Variants in PTPRD observed in about 807,000 individuals in gnomAD.
PTPRD encodes receptor-type tyrosine-protein phosphatase delta.
PTPRD carries 34 observed loss-of-function variants against 214.5 expected under a neutral mutation model. The ratio of observed to expected loss-of-function variants is 0.16; its 90% CI spans 0.12 to 0.21. PTPRD has a LOEUF of 0.21. PTPRD is among the 10% of genes least tolerant of loss of function. PTPRD has a pLI of 1.00. For missense variants in PTPRD, 2,545 were observed against 2,398.7 expected, an observed-to-expected ratio of 1.06 and a Z score of -1.27; for synonymous variants, 1,128 against 845.7, an observed-to-expected ratio of 1.33 and a Z score of -5.79.
rs574986638 is a variant in PTPRD, at chr9:10,092,269, C to T, written c.-544-58479G>A. On this transcript the variant is annotated intron_variant, in intron 3 of 45. Transcript: ENST00000381196. ...AAATGCCCATTTAGATATATAATTGCAGATATGCTTCTGTTATTCCTTAAT... is the reference window on the plus strand; with the variant it reads ...AAATGCCCATTTAGATATATAATTGTAGATATGCTTCTGTTATTCCTTAAT... Among the ~76,000 whole-genome samples the T allele has an allele frequency of 6.7e-4, 102 of 151,456 alleles. No individual in the cohort carries two copies. The South Asian group carries it at 0.021, about 31-fold the overall frequency.
chr9:10,554,386 T>C (rs188380412), intron 2 of PTPRD, among the ~76,000 whole-genome samples: 1 of 152,240 alleles, frequency 6.6e-6, no homozygotes, highest in East Asian at 1.9e-4. Flanking sequence ...TCTTCTTAGC[T>C]CCATACTTTT....
At chr9:10,491,095 G>C (rs531281493) in intron 2 of PTPRD, among the ~76,000 whole-genome samples, 1 of 152,144 alleles carries the variant, frequency 6.6e-6, no homozygotes, top group Non-Finnish European at 1.5e-5. Flanking sequence ...CTTGTTCACA[G>C]TTATATACCT....
At chr9:8,947,042 T>G (rs1046955328) in intron 11 of PTPRD, among the ~76,000 whole-genome samples, 1 of 132,386 alleles carries the variant, frequency 7.6e-6, no homozygotes, top group African/African-American at 3.0e-5. Flanking sequence ...TTTTTTTTTT[T>G]GTGTGTGTGT....
rs565060815 is a variant in PTPRD, at chr9:8,486,137, T to C, written c.2680A>G (p.Arg894Gly). Residue 894 changes from arginine to glycine, a missense_variant, in exon 28 of 46, where the codon AGG (arginine) becomes GGG (glycine). Arg to Gly is a moderately radical substitution (Grantham distance 125). Coordinates refer to ENST00000381196, the MANE Select transcript of PTPRD (RefSeq NM_002839.4). The part of the protein sequence containing the change: ...DIHKGASYVF[R>G]LSARNKVGFG... ...CCCACTTTGTTTCTGGCTGAGAGCC[T>C]GAAGACGTATGATGCTCCCTTGTGG... 1.2e-6 allele frequency: 2 copies of C among 1,614,206 alleles called. No homozygotes were observed. The highest frequency in any genetic ancestry group is 1.3e-5 in the African/African-American group (1 of 75,060).
chr9:10,530,824 G>C (rs1373149906), intron 2 of PTPRD, among the ~76,000 whole-genome samples: 2 of 152,066 alleles, frequency 1.3e-5, no homozygotes, highest in East Asian at 1.9e-4. Context: ...ATAAACAGGA[G>C]AATAGTGAAA....
At chr9:9,467,415 T>C (rs2094262523) in intron 8 of PTPRD, among the ~76,000 whole-genome samples, 2 of 150,754 alleles carry the variant, frequency 1.3e-5, no homozygotes. Context: ...TAGTGAAATC[T>C]GTCTCTACTA....
intron 9 of PTPRD, among the ~76,000 whole-genome samples, chr9:9,215,310 C>A (rs147784022): frequency 6.6e-6 from 1 of 152,098 alleles, no homozygotes; most frequent in African/African-American, 2.4e-5. Flanking sequence ...ACTTGTTCAC[C>A]GGGAAAGTTA....
chr9:8,797,127 G>T (rs1235881254), intron 11 of PTPRD: 1 of 152,062 alleles, frequency 6.6e-6, no homozygotes, highest in Non-Finnish European at 1.5e-5. Context: ...ATTTGATCAT[G>T]TTATAAAATA....
chr9:9,147,997 G>C (rs1350668438), intron 10 of PTPRD, among the ~76,000 whole-genome samples: 2 of 152,176 alleles, frequency 1.3e-5, no homozygotes, highest in African/African-American at 4.8e-5. Flanking sequence ...ATCACCTGGA[G>C]GGCTTGTTTT....
intron 11 of PTPRD, among the ~76,000 whole-genome samples, chr9:8,751,977 T>C (rs2154463737): frequency 6.6e-6 from 1 of 152,250 alleles, no homozygotes; most frequent in South Asian, 2.1e-4. Flanking sequence ...AAAAGCAACG[T>C]TGTGTGCGTC....
chr9:10,546,243 G>C (rs1275360018), intron 2 of PTPRD, among the ~76,000 whole-genome samples: 1 of 151,852 alleles, frequency 6.6e-6, no homozygotes, highest in Non-Finnish European at 1.5e-5. Flanking sequence ...GAAAGTAGCT[G>C]TTCTTAGTTT....
intron 26 of PTPRD, among the ~76,000 whole-genome samples, chr9:8,495,621 T>C (rs2097247846): frequency 1.3e-5 from 2 of 152,234 alleles, no homozygotes; most frequent in African/African-American, 4.8e-5. Context: ...ACTTGAATAC[T>C]TAATGTTAGT....
chr9:8,666,256 T>C (rs1307326381), intron 12 of PTPRD, among the ~76,000 whole-genome samples: 1 of 152,166 alleles, frequency 6.6e-6, no homozygotes, highest in African/African-American at 2.4e-5. Context: ...AACCTACAAC[T>C]AAAATGCTGA....
intron 4 of PTPRD, among the ~76,000 whole-genome samples, chr9:9,969,154 A>G (rs1053281944): frequency 1.3e-5 from 2 of 151,720 alleles, no homozygotes; most frequent in Admixed American, 6.6e-5. Flanking sequence ...CTGAGGTTAC[A>G]TAGAAATTAG....
chr9:10,235,844 A>G (rs944836884), intron 3 of PTPRD, among the ~76,000 whole-genome samples: 11 of 152,142 alleles, frequency 7.2e-5, no homozygotes, highest in South Asian at 4.1e-4. Flanking sequence ...TAACTTGGGC[A>G]ATTCTAGTAT....
chr9:9,179,847 T>C (rs2099927126), intron 10 of PTPRD, among the ~76,000 whole-genome samples: 1 of 152,104 alleles, frequency 6.6e-6, no homozygotes, highest in East Asian at 1.9e-4. Context: ...TTTCTCTAGT[T>C]CTCAGGTCCC....
In PTPRD at chr9:8,316,512, T is replaced by C; in HGVS notation, c.*1362A>G. ...AGCACATACTATAGACAATATACGATTGAATACACTTTTTTTAAACAACTC... is the reference window on the plus strand; with the variant it reads ...AGCACATACTATAGACAATATACGACTGAATACACTTTTTTTAAACAACTC... On this transcript the variant is annotated 3_prime_UTR_variant, in exon 46 of 46. Transcript: ENST00000381196. 4.3e-6 allele frequency: 1 copy of C among 230,458 alleles called. No homozygotes were observed. The highest frequency in any genetic ancestry group is 8.6e-6 in the Non-Finnish European group (1 of 116,164). 14.3% of individuals were successfully genotyped at this position (230,458 alleles called of 1,614,324 possible).
chr9:10,484,511 C>T (rs138273008), intron 2 of PTPRD, among the ~76,000 whole-genome samples: 23 of 152,024 alleles, frequency 1.5e-4, no homozygotes, highest in African/African-American at 5.1e-4. Context: ...GACAAGTGTA[C>T]GAGGGTTCTC....
At chr9:9,869,350 T>C (rs1437926045) in intron 5 of PTPRD, among the ~76,000 whole-genome samples, 1 of 152,132 alleles carries the variant, frequency 6.6e-6, no homozygotes, top group Non-Finnish European at 1.5e-5. Context: ...GGTTAGACCA[T>C]GATTATTAAT....
Sources: allele counts gnomAD v4.1 joint callset (sites outside exome capture counted in the v4.1 genomes callset), GRCh38; gene constraint gnomAD v4.1.1; transcripts MANE v1.5; gene names NCBI Gene and HGNC (gene_info 2026-07-23, HGNC 2026-07-21).